Variants in PTPN12 observed in about 807,000 individuals in gnomAD.
The protein encoded by PTPN12 is protein tyrosine phosphatase non-receptor type 12.
A neutral mutation model predicts 97.6 loss-of-function variants in PTPN12; 29 were observed. That is an observed-to-expected ratio of 0.30 (90% CI 0.22 to 0.41). The LOEUF (loss-of-function observed/expected upper bound fraction) is 0.41. PTPN12 is among the 10% of genes least tolerant of loss of function. The pLI is 1.00. For missense variants in PTPN12, 819 were observed against 926.0 expected (o/e 0.88, Z 1.50); for synonymous variants, 327 against 300.4 (o/e 1.09, Z -0.91).
chr7:77,537,982 G>GT (rs956370021), intron 1 of PTPN12: 35 of 985,446 alleles, frequency 3.6e-5, no homozygotes, highest in African/African-American at 5.3e-5. Context: ...GCAGGCCGGG[G>GT]GGGGGGGCTC....
At chr7:77,612,907 G>A (rs1788618081) in intron 11 of PTPN12, among the ~76,000 whole-genome samples, 1 of 151,546 alleles carries the variant, frequency 6.6e-6, no homozygotes, top group Admixed American at 6.6e-5. Flanking sequence ...GAATAGCTGG[G>A]ATTACAGGCA....
At position 77,639,594 on chromosome 7, in the gene PTPN12, A is replaced by G. The variant is rs1420705410; in HGVS notation, c.*314A>G. The stretch of plus-strand genomic sequence containing the variant: ...AGGACTACTCTTTTTCTGTTTTATC[A>G]TGTATGCATTATTTTGTATATGTAC... On this transcript the variant is annotated 3_prime_UTR_variant, in exon 18 of 18. Coordinates refer to ENST00000248594, the MANE Select transcript of PTPN12 (RefSeq NM_002835.4). The G allele has an allele frequency of 4.0e-6, 1 of 251,334 alleles. No homozygotes were observed. The highest frequency in any genetic ancestry group is 7.6e-6 in the Non-Finnish European group (1 of 132,054). 15.6% of individuals were successfully genotyped at this position (251,334 alleles called of 1,614,324 possible).
chr7:77,537,712 CG>C (rs1462515508), intron 1 of PTPN12, 67 bp downstream of exon 1: 2 of 1,498,302 alleles, frequency 1.3e-6, no homozygotes, highest in Non-Finnish European at 1.8e-6. Context: ...CTCTCCCGGC[CG>C]GGCCGCCAGT....
At position 77,621,088 on chromosome 7, in the gene PTPN12, T is replaced by C. The variant is rs1368794087; in HGVS notation, c.1025+2523T>C. Among the ~76,000 whole-genome samples, 6 of 151,590 alleles carry C rather than the reference T, an allele frequency of 4.0e-5. No individual in the cohort carries two copies. In the East Asian group the frequency reaches 9.7e-4, roughly 24 times the overall value. ...TATATATAAAAATATGTGTTGTGTG[T>C]ATATTTCATTTTTATTTATTTATTT... On this transcript the variant is annotated intron_variant, in intron 12 of 17. Transcript: ENST00000248594.
At chr7:77,558,168 G>A (rs537576818) in intron 1 of PTPN12, among the ~76,000 whole-genome samples, 114 of 140,252 alleles carry the variant, frequency 8.1e-4, no homozygotes, top group Admixed American at 2.5e-3. Context: ...CCAAGATCAC[G>A]CCACTGCACT....
intron 7 of PTPN12, 25 bp from the exon 8 acceptor site, chr7:77,600,639 T>G (rs1284262669): frequency 1.3e-6 from 2 of 1,559,880 alleles, no homozygotes; most frequent in Admixed American, 2.1e-5. Context: ...TTTTCATAAT[T>G]GTTGACTTTC....
chr7:77,633,792 G>T (rs1789487827), intron 14 of PTPN12, among the ~76,000 whole-genome samples: 1 of 152,116 alleles, frequency 6.6e-6, no homozygotes, highest in East Asian at 1.9e-4. Flanking sequence ...GGAGTCCAAG[G>T]CGCGAGGATT....
intron 8 of PTPN12, among the ~76,000 whole-genome samples, chr7:77,602,646 C>A (rs1788227738): frequency 1.3e-5 from 2 of 151,550 alleles, no homozygotes; most frequent in African/African-American, 4.8e-5. Context: ...ATATAGGTAT[C>A]ATTATAATAT....
rs372728704 is a variant in PTPN12 at position 77,581,471 on chromosome 7, G to C, written c.253G>C (p.Asp85His). The C allele has an allele frequency of 1.2e-6, 2 of 1,606,616 alleles. No individual in the cohort carries two copies. The highest frequency in any genetic ancestry group is 1.7e-6 in the Non-Finnish European group (2 of 1,175,566). Residue 85 changes from aspartate to histidine, a missense_variant, in exon 3 of 18, where the codon GAT (aspartate) becomes CAT (histidine). Coordinates refer to ENST00000248594, the MANE Select transcript of PTPN12 (RefSeq NM_002835.4). Reference protein sequence around the residue: ...VKLTLKTPSQDSDYINANFIK... With the variant: ...VKLTLKTPSQHSDYINANFIK... ...ATTGACATTAAAGACTCCTTCACAA[G>C]ATTCAGACTATATCAATGCAAATTT...
At chr7:77,585,939 A>G (rs1217275963) in intron 5 of PTPN12, among the ~76,000 whole-genome samples, 1 of 152,034 alleles carries the variant, frequency 6.6e-6, no homozygotes, top group Non-Finnish European at 1.5e-5. Flanking sequence ...CCTATAAAAC[A>G]CTTCATGCCT....
At chr7:77,605,802 A>G (rs1363426143) in intron 8 of PTPN12, among the ~76,000 whole-genome samples, 1 of 152,032 alleles carries the variant, frequency 6.6e-6, no homozygotes, top group African/African-American at 2.4e-5. Context: ...ATATGAGAGC[A>G]TATCATTGTC....
At chr7:77,545,615 T>C in intron 1 of PTPN12, 1 of 151,390 alleles carries the variant, frequency 6.6e-6, no homozygotes, top group Middle Eastern at 3.4e-3. Flanking sequence ...TATATATATA[T>C]AGTTTTTTTT....
intron 12 of PTPN12, among the ~76,000 whole-genome samples, chr7:77,623,462 G>C (rs1789017366): frequency 6.6e-6 from 1 of 152,240 alleles, no homozygotes; most frequent in Non-Finnish European, 1.5e-5. Flanking sequence ...TGTAATCCCA[G>C]CATTTTGGGA....
At chr7:77,570,124 C>G (rs2151317469) in intron 1 of PTPN12, among the ~76,000 whole-genome samples, 1 of 152,162 alleles carries the variant, frequency 6.6e-6, no homozygotes, top group South Asian at 2.1e-4. Context: ...TCTAGTAAAT[C>G]TTTATCATAA....
At chr7:77,540,613 G>C (rs1452230717) in intron 1 of PTPN12, among the ~76,000 whole-genome samples, 4 of 149,556 alleles carry the variant, frequency 2.7e-5, no homozygotes, top group African/African-American at 9.8e-5. Flanking sequence ...TTCTACATTA[G>C]AGATTTGATG....
intron 1 of PTPN12, among the ~76,000 whole-genome samples, chr7:77,563,689 A>G (rs188344480): frequency 6.6e-6 from 1 of 152,172 alleles, no homozygotes; most frequent in East Asian, 1.9e-4. Context: ...TTTATTATCA[A>G]TCCTGAGTTG....
chr7:77,618,699 G>A (rs553909000), intron 12 of PTPN12, 134 bp downstream of exon 12: 13 of 606,714 alleles, frequency 2.1e-5, no homozygotes, highest in South Asian at 2.0e-4. Context: ...TGTAACATAC[G>A]TATGACAACT....
At position 77,581,412 on chromosome 7, in the gene PTPN12, AT is replaced by A; in HGVS notation, c.209-8del. ...TGTGTCAACCATACATATTTTATGAATTTTTTTCTCGTAGTTGATCACAGCC... is the reference window on the plus strand; with the variant it reads ...TGTGTCAACCATACATATTTTATGAATTTTTTCTCGTAGTTGATCACAGCC... On this transcript the variant is annotated splice_polypyrimidine_tract_variant and intron_variant, in intron 2 of 17. Transcript: ENST00000248594. 1 of 1,580,518 alleles carries A rather than the reference AT, an allele frequency of 6.3e-7. No homozygotes were observed. Among genetic ancestry groups the A allele is most frequent in the Non-Finnish European group, 8.7e-7 (1 of 1,153,586 alleles).
intron 9 of PTPN12, among the ~76,000 whole-genome samples, chr7:77,608,003 T>C (rs538807072): frequency 6.6e-6 from 1 of 152,298 alleles, no homozygotes; most frequent in South Asian, 2.1e-4. Flanking sequence ...GATCCACTCA[T>C]CTCGGCCTTC....
Sources: gnomAD v4.1 joint callset for allele counts (sites outside exome capture counted in the v4.1 genomes callset) on GRCh38, gnomAD v4.1.1 for gene constraint, MANE v1.5 for transcripts, NCBI Gene and HGNC (gene_info 2026-07-23, HGNC 2026-07-21) for gene names.